The following CAPN12 variants were observed in gnomAD, a reference collection of about 807,000 sequenced individuals.
CAPN12 encodes the protein calpain 12.
A neutral mutation model predicts 95.0 loss-of-function variants in CAPN12; 107 were observed. That is an observed-to-expected ratio of 1.13 (90% CI 0.96 to 1.32). The LOEUF (loss-of-function observed/expected upper bound fraction) is 1.32, where lower values mean the gene tolerates loss of function less well. CAPN12 is among the 40% of genes most tolerant of loss of function. CAPN12 has a pLI of 0.00. For synonymous variants in CAPN12, 505 were observed against 415.5 expected, an observed-to-expected ratio of 1.22 and a Z score of -2.62; for missense variants, 1,136 against 997.8, an observed-to-expected ratio of 1.14 and a Z score of -1.87.
In CAPN12 at chr19:38,730,860, A is replaced by T. The variant is rs1225443131; in HGVS notation, c.2152T>A (p.Phe718Ile). The T allele has an allele frequency of 1.9e-6, 3 of 1,551,384 alleles. No homozygotes were observed. The highest frequency in any genetic ancestry group is 2.4e-5 in the South Asian group (2 of 84,104). ...THRQWMEVAT[F>I]S ...GCGCCCATCCGGAGATCCTAGGAGAAGGTGGCCACCTCCATCCACTAAGGA... is the reference window on the plus strand; with the variant it reads ...GCGCCCATCCGGAGATCCTAGGAGATGGTGGCCACCTCCATCCACTAAGGA... Residue 718 changes from phenylalanine to isoleucine, a missense_variant, in exon 21 of 21, where the codon TTC becomes ATC. Phe to Ile is a conservative substitution (Grantham distance 21, BLOSUM62 0). Transcript: ENST00000328867.
intron 3 of CAPN12, 37 bp downstream of exon 3, chr19:38,742,370 TGGG>T (rs780178785): frequency 4.5e-6 from 6 of 1,330,470 alleles, no homozygotes; most frequent in Non-Finnish European, 6.5e-6. Flanking sequence ...CAAGTCACCA[TGGG>T]GGAAACGGAG....
At chr19:38,738,032 G>GAT (rs1749878159) in intron 8 of CAPN12, among the ~76,000 whole-genome samples, 2 of 152,038 alleles carry the variant, frequency 1.3e-5, no homozygotes, top group African/African-American at 4.8e-5. Context: ...ATCCTCCACA[G>GAT]ATAACTAGGC....
chr19:38,741,619 ATGT>A (rs1174183389), intron 4 of CAPN12, among the ~76,000 whole-genome samples, 155 bp downstream of exon 4: 2 of 149,520 alleles, frequency 1.3e-5, no homozygotes, highest in Admixed American at 6.7e-5. Flanking sequence ...TGCTCAGGTG[ATGT>A]TGTGATATGA....
At chr19:38,736,454 AC>A in intron 11 of CAPN12, 97 bp downstream of exon 11, 2 of 1,036,252 alleles carry the variant, frequency 1.9e-6, no homozygotes, top group East Asian at 3.8e-5. Context: ...CTGCCCCCCC[AC>A]CCCCAGGGCA....
At chr19:38,736,502 AGGGCAGGTTGACCAAG>A (rs771257394) in intron 11 of CAPN12, 34 bp downstream of exon 11, 10 of 1,510,964 alleles carry the variant, frequency 6.6e-6, no homozygotes, top group Non-Finnish European at 7.1e-6. Context: ...ACCAAGCCCC[AGGGCAGGTTGACCAAG>A]CCCCAGGGCC....
At chr19:38,740,539 C>T (rs1436192720) in intron 4 of CAPN12, among the ~76,000 whole-genome samples, 14 of 152,194 alleles carry the variant, frequency 9.2e-5, no homozygotes, top group Admixed American at 9.2e-4. Context: ...GTGGCTCACG[C>T]CTGTAATCCC....
intron 18 of CAPN12, among the ~76,000 whole-genome samples, chr19:38,732,840 TC>T (rs1275140505): frequency 3.3e-5 from 5 of 152,148 alleles, no homozygotes; most frequent in Non-Finnish European, 7.4e-5. Flanking sequence ...CAGCCCACTC[TC>T]CAAATCCCCT....
At position 38,738,280 on chromosome 19, in the gene CAPN12, C is replaced by G; in HGVS notation, c.958G>C (p.Glu320Gln). 1 of 1,612,066 alleles carries G rather than the reference C, an allele frequency of 6.2e-7. No homozygotes were observed. The highest frequency in any genetic ancestry group is 8.5e-7 in the Non-Finnish European group (1 of 1,180,030). ...DALLVKKEDG[E>Q]FWMELRDFLL... is the part of the protein sequence containing the mutation. ...GGACCCTGACGAACTGACCAGAACT[C>G]GCCATCCTCCTTTTTCACCAGCAGG... The change falls in exon 8 of 21, where the codon GAG (glutamate) becomes CAG (glutamine). Residue 320 changes from glutamate (E) to glutamine (Q), a missense_variant. Transcript: ENST00000328867.
chr19:38,730,619 T>A lies in CAPN12; in HGVS notation c.*233A>T. The A allele has an allele frequency of 3.3e-6, 2 of 605,270 alleles. No homozygotes were observed. The highest frequency in any genetic ancestry group is 3.9e-5 in the South Asian group (2 of 51,400). 37.5% of individuals were successfully genotyped at this position (605,270 alleles called of 1,614,324 possible). ...GGGCAGAGCTAGCACTGTCTTAAGC[T>A]GTCAACGTGGACTAGCTCGTGTCAT... On this transcript the variant is annotated 3_prime_UTR_variant, in exon 21 of 21. Transcript: ENST00000328867.
chr19:38,736,489 TTGACCAAGCCCCAGGGC>T, intron 11 of CAPN12, 46 bp downstream of exon 11: 1 of 1,341,338 alleles, frequency 7.5e-7, no homozygotes, highest in South Asian at 1.3e-5. Flanking sequence ...CCAGGGCAGG[TTGACCAAGCCCCAGGGC>T]AGGTTGACCA....
chr19:38,740,251 G>A lies in CAPN12; in HGVS notation c.561-32C>T, dbSNP rs1487215463. 5 of 1,554,284 alleles carry A rather than the reference G, an allele frequency of 3.2e-6. No homozygotes were observed. In the East Asian group the frequency reaches 9.5e-5, roughly 29 times the overall value. On this transcript the variant is annotated intron_variant, in intron 4 of 20. Coordinates refer to ENST00000328867, the MANE Select transcript of CAPN12 (RefSeq NM_144691.4). ...GGGCAGATCTGGGGTGAGGGTTGAG[G>A]CAAGTACAAGCGTCTCAGGCACCCC...
chr19:38,736,651 C>T lies in CAPN12; in HGVS notation c.1363-88G>A, dbSNP rs1970194339. 2.2e-6 allele frequency: 3 copies of T among 1,333,558 alleles called. No homozygotes were observed. In the South Asian group the frequency reaches 4.6e-5, roughly 21 times the overall value. 82.6% of individuals were successfully genotyped at this position (1,333,558 alleles called of 1,614,324 possible). A position where few individuals can be genotyped will look rare whatever the true frequency, so the allele number is the denominator to read the frequency against. On this transcript the variant is annotated intron_variant, in intron 10 of 20. Transcript: ENST00000328867. ...CTCCCTGCCCCTTCTCACCTCTGTG[C>T]TCTCTCCCTCCTTCTTCGTCCTATT...
In CAPN12 at chr19:38,738,613, C is replaced by T. The variant is rs763617191; in HGVS notation, c.765G>A (p.Leu255=). ...TGATGGAATACGCGTGTCCCTTTAC[C>T]AGGCCCTCTTCTGTGCGGTACTCAC... is the stretch of plus-strand genomic sequence containing the variant. ...DRGEYRTEEG[L]VKGHAYSITG... The change falls in exon 6 of 21, where the codon CTG becomes CTA. Residue 255 remains leucine, a synonymous_variant. Transcript: ENST00000328867. 1 of 1,614,050 alleles carries T rather than the reference C, an allele frequency of 6.2e-7. No individual in the cohort carries two copies. The highest frequency in any genetic ancestry group is 1.7e-5 in the Admixed American group (1 of 60,030).
At chr19:38,734,062 C>G in intron 17 of CAPN12, 80 bp downstream of exon 17, 1 of 1,497,924 alleles carries the variant, frequency 6.7e-7, no homozygotes, top group Non-Finnish European at 9.2e-7. Context: ...CCCTGGGGAC[C>G]TGATAGCCCA....
At chr19:38,741,598 A>C (rs1298864569) in intron 4 of CAPN12, among the ~76,000 whole-genome samples, 179 bp downstream of exon 4, 1 of 151,870 alleles carries the variant, frequency 6.6e-6, no homozygotes, top group Non-Finnish European at 1.5e-5. Context: ...AAAAAAAAAA[A>C]AACATGAAGT....
At chr19:38,739,935 G>T in intron 5 of CAPN12, 116 bp downstream of exon 5, 1 of 1,082,830 alleles carries the variant, frequency 9.2e-7, no homozygotes, top group Non-Finnish European at 1.2e-6. Context: ...ATTTATGAGC[G>T]AGCCTAAGCC....
rs781143994 is a variant in CAPN12 at position 38,736,174 on chromosome 19, C to T, written c.1519G>A (p.Ala507Thr). ...AAGTCAGCCTCGTCGCCGGCGTGGG[C>T]GGTGCTCGGCACCACCAGGTAGTGG... ...PGHYLVVPSTAHAGDEADFTL... is the reference protein window; with the variant it reads ...PGHYLVVPSTTHAGDEADFTL... Residue 507 changes from alanine (A) to threonine (T), a missense_variant, in exon 12 of 21, where the codon GCC (alanine) becomes ACC (threonine). Transcript: ENST00000328867. 2 of 1,512,346 alleles carry T rather than the reference C, an allele frequency of 1.3e-6. No individual in the cohort carries two copies. The highest frequency in any genetic ancestry group is 2.7e-5 in the East Asian group (1 of 37,026). 93.7% of individuals were successfully genotyped at this position (1,512,346 alleles called of 1,614,324 possible). A position where few individuals can be genotyped will look rare whatever the true frequency, so the allele number is the denominator to read the frequency against.
intron 15 of CAPN12, 179 bp downstream of exon 15, chr19:38,734,634 G>A: frequency 3.0e-6 from 2 of 664,476 alleles, no homozygotes; most frequent in Non-Finnish European, 5.0e-6. Flanking sequence ...AGCAGCCGTG[G>A]CCCAGGTCAC....
rs1477662855 is a variant in CAPN12 at position 38,731,002 on chromosome 19, T to A, written c.2096A>T (p.Asp699Val). The change falls in exon 20 of 21, where the codon GAT becomes GTT. Residue 699 changes from aspartate (D) to valine (V), a missense_variant. Transcript: ENST00000328867. ...CAGGCAGATGACCCCCTCACCCCCATCCAGGTGCTGGCTGCAGTGGCCTGT... is the reference window on the plus strand; with the variant it reads ...CAGGCAGATGACCCCCTCACCCCCAACCAGGTGCTGGCTGCAGTGGCCTGT... ...CIFCHCSQHL[D>V]GGEGVICLTH... is the part of the protein sequence containing the mutation. The A allele has an allele frequency of 6.4e-7, 1 of 1,552,140 alleles. No individual in the cohort carries two copies. Among genetic ancestry groups the A allele is most frequent in the Non-Finnish European group, 8.7e-7 (1 of 1,147,926 alleles).
Sources: gnomAD v4.1 joint callset for allele counts (sites outside exome capture counted in the v4.1 genomes callset) on GRCh38, gnomAD v4.1.1 for gene constraint, MANE v1.5 for transcripts, NCBI Gene and HGNC (gene_info 2026-07-23, HGNC 2026-07-21) for gene names.